The following PRKAR2A variants were observed in gnomAD, a reference collection of about 807,000 sequenced individuals.
PRKAR2A encodes the protein cAMP-dependent protein kinase type II-alpha regulatory subunit.
Under a neutral mutation model 51.9 loss-of-function variants are expected in PRKAR2A, and 29 were observed. The observed-to-expected ratio is 0.56, with a 90% confidence interval of 0.42 to 0.76. The LOEUF (loss-of-function observed/expected upper bound fraction) is 0.76, where lower values mean the gene tolerates loss of function less well. Among genes scored for constraint, PRKAR2A ranks in the 30% least tolerant of loss-of-function variants. The pLI is 0.00. For synonymous variants in PRKAR2A, 178 were observed against 186.2 expected (o/e 0.96, Z 0.36); for missense variants, 445 against 512.1 (o/e 0.87, Z 1.26).
intron 1 of PRKAR2A, among the ~76,000 whole-genome samples, chr3:48,831,079 G>T (rs2083180046): frequency 6.6e-6 from 1 of 152,084 alleles, no homozygotes; most frequent in Non-Finnish European, 1.5e-5. Context: ...ATGGCCCAGG[G>T]GGTGGGGACC....
intron 5 of PRKAR2A, among the ~76,000 whole-genome samples, chr3:48,780,464 A>G (rs895428188): frequency 2.7e-5 from 4 of 150,564 alleles, no homozygotes; most frequent in African/African-American, 9.7e-5. Context: ...TTAGCCGGGC[A>G]TGGTGACGGG....
In PRKAR2A at chr3:48,751,541, A is replaced by G; in HGVS notation, c.*44T>C. 1.2e-6 allele frequency: 2 copies of G among 1,602,946 alleles called. No homozygotes were observed. The highest frequency in any genetic ancestry group is 1.7e-6 in the Non-Finnish European group (2 of 1,172,520). Reference sequence around the variant, plus strand: ...CTGTATGTGTTCTGTGGCTGACCAGAAGGTTTTGGTGTCACACTAAGAAGG... The same window carrying G: ...CTGTATGTGTTCTGTGGCTGACCAGGAGGTTTTGGTGTCACACTAAGAAGG... On this transcript the variant is annotated 3_prime_UTR_variant, in exon 11 of 11. Transcript: ENST00000265563.
At chr3:48,791,737 C>T (rs534693133) in intron 3 of PRKAR2A, among the ~76,000 whole-genome samples, 5 of 150,100 alleles carry the variant, frequency 3.3e-5, no homozygotes, top group African/African-American at 1.2e-4. Context: ...AAACCCATCT[C>T]TACTAAAAAT....
chr3:48,815,059 G>A (rs1402607862), intron 1 of PRKAR2A, among the ~76,000 whole-genome samples: 2 of 151,852 alleles, frequency 1.3e-5, no homozygotes, highest in African/African-American at 2.4e-5. Flanking sequence ...AACTACAGGC[G>A]CCCACCACCA....
chr3:48,792,916 G>A (rs1452391287), intron 3 of PRKAR2A, among the ~76,000 whole-genome samples: 3 of 151,664 alleles, frequency 2.0e-5, no homozygotes, highest in Admixed American at 6.6e-5. Context: ...GCGACAGTGC[G>A]AGACTCTGTC....
chr3:48,808,241 T>A (rs2082709243), intron 1 of PRKAR2A, among the ~76,000 whole-genome samples: 1 of 149,016 alleles, frequency 6.7e-6, no homozygotes, highest in Non-Finnish European at 1.5e-5. Flanking sequence ...AGAGATGGGT[T>A]TTTTGTTTTT....
rs986917897 is a variant in PRKAR2A at position 48,773,345 on chromosome 3, T to C, written c.543-237A>G. On this transcript the variant is annotated intron_variant, in intron 5 of 10. Transcript: ENST00000265563. Reference sequence around the variant, plus strand: ...ATTCTTGGAATTTTCTTTTCTTTTTTTTTTTTTTTTTTTTTTGAGACGGAG... The same window carrying C: ...ATTCTTGGAATTTTCTTTTCTTTTTCTTTTTTTTTTTTTTTTGAGACGGAG... Among the ~76,000 whole-genome samples the C allele has an allele frequency of 4.8e-4, 67 of 139,602 alleles. No homozygotes were observed. The East Asian group carries it at 6.3e-3, about 13-fold the overall frequency. The allele number at this position is 139,602 out of a possible 152,430, so 91.6% of individuals were successfully genotyped here.
intron 1 of PRKAR2A, among the ~76,000 whole-genome samples, chr3:48,824,660 T>A (rs920735403): frequency 2.0e-5 from 3 of 152,098 alleles, no homozygotes; most frequent in Admixed American, 1.3e-4. Context: ...AGAATGGCTA[T>A]GAGGACAAGC....
At position 48,751,046 on chromosome 3, in the gene PRKAR2A, A is replaced by G. The variant is rs2081639627; in HGVS notation, c.*539T>C. The G allele has an allele frequency of 2.3e-5, 8 of 345,016 alleles. No individual in the cohort carries two copies. The highest frequency in any genetic ancestry group is 9.2e-5 in the South Asian group (4 of 43,326). 21.4% of individuals were successfully genotyped at this position (345,016 alleles called of 1,614,324 possible). On this transcript the variant is annotated 3_prime_UTR_variant, in exon 11 of 11. Coordinates refer to ENST00000265563, the MANE Select transcript of PRKAR2A (RefSeq NM_004157.4). ...AGAAAGTACAATGCCACTGGGCTAC[A>G]TATGTCCATATCATCCACCACCATT...
At chr3:48,838,579 C>T (rs148392230) in intron 1 of PRKAR2A, among the ~76,000 whole-genome samples, 1 of 151,046 alleles carries the variant, frequency 6.6e-6, no homozygotes, top group African/African-American at 2.4e-5. Flanking sequence ...TGCACTCCAG[C>T]CTGAGCAACA....
chr3:48,826,026 G>T (rs2083057286), intron 1 of PRKAR2A, among the ~76,000 whole-genome samples: 1 of 152,164 alleles, frequency 6.6e-6, no homozygotes. Context: ...GCACTGAGAG[G>T]CTAAGGCAGC....
chr3:48,754,554 C>T (rs563482395), intron 9 of PRKAR2A, among the ~76,000 whole-genome samples: 1 of 152,134 alleles, frequency 6.6e-6, no homozygotes, highest in Admixed American at 6.5e-5. Flanking sequence ...AGGAGGATCA[C>T]CTGAGGTCAG....
intron 6 of PRKAR2A, among the ~76,000 whole-genome samples, chr3:48,766,236 A>G (rs527500821): frequency 2.6e-5 from 4 of 151,872 alleles, no homozygotes; most frequent in African/African-American, 9.7e-5. Flanking sequence ...AATATCAACA[A>G]CAACAACAAC....
At chr3:48,797,755 C>G (rs1322106873) in intron 2 of PRKAR2A, among the ~76,000 whole-genome samples, 1 of 152,126 alleles carries the variant, frequency 6.6e-6, no homozygotes, top group African/African-American at 2.4e-5. Context: ...TTAGGTGATG[C>G]TCTGCAGAGG....
At chr3:48,829,608 G>GTGTGTGTATACGTGTGTATACACACACA (rs1559646371) in intron 1 of PRKAR2A, among the ~76,000 whole-genome samples, 1 of 12,424 alleles carries the variant, frequency 8.0e-5, no homozygotes, top group Non-Finnish European at 1.2e-4. Context: ...ACACATAAAT[G>GTGTGTGTATACGTGTGTATACACACACA]TGTGTGTGTA....
chr3:48,804,814 T>C (rs1444489512), intron 2 of PRKAR2A, among the ~76,000 whole-genome samples: 1 of 152,156 alleles, frequency 6.6e-6, no homozygotes, highest in Non-Finnish European at 1.5e-5. Flanking sequence ...ATTGGAAGAA[T>C]CATCTATATG....
chr3:48,755,141 C>T (rs1375918502), intron 9 of PRKAR2A, among the ~76,000 whole-genome samples: 9 of 151,430 alleles, frequency 5.9e-5, no homozygotes, highest in South Asian at 4.2e-4. Flanking sequence ...GGACTACAGG[C>T]GCCCGCCACC....
At chr3:48,808,702 A>G (rs2082721377) in intron 1 of PRKAR2A, among the ~76,000 whole-genome samples, 1 of 104,732 alleles carries the variant, frequency 9.5e-6, no homozygotes, top group Non-Finnish European at 1.9e-5. Context: ...TTTTTAGTAG[A>G]GACAGGGTTT....
chr3:48,774,743 G>T (rs1221977071), intron 5 of PRKAR2A, among the ~76,000 whole-genome samples: 1 of 152,116 alleles, frequency 6.6e-6, no homozygotes, highest in Non-Finnish European at 1.5e-5. Context: ...GGCTACAAAT[G>T]ACATGACTTC....
Sources: allele counts gnomAD v4.1 joint callset (sites outside exome capture counted in the v4.1 genomes callset), GRCh38; gene constraint gnomAD v4.1.1; transcripts MANE v1.5; gene names NCBI Gene and HGNC (gene_info 2026-07-23, HGNC 2026-07-21).